Variants in SEC16B observed in about 807,000 individuals in gnomAD.
SEC16B encodes SEC16 homolog B, endoplasmic reticulum export factor.
In SEC16B, 115 loss-of-function variants were observed where a neutral mutation model predicts 141.8. The observed-to-expected ratio is 0.81, with a 90% CI of 0.70 to 0.95. The LOEUF is 0.95. Among genes scored for constraint, SEC16B ranks in the 40% least tolerant of loss-of-function variants. The pLI is 0.00. For synonymous variants in SEC16B, 493 were observed against 492.5 expected, an observed-to-expected ratio of 1.00 and a Z score of -0.01; for missense variants, 1,291 against 1,312.3, an observed-to-expected ratio of 0.98 and a Z score of 0.25.
rs370911935 is a variant in SEC16B at position 177,958,226 on chromosome 1, G to A, written c.1271C>T (p.Pro424Leu). ...EDWPVLSSGT[P>L]NLLTGEIPPS... ...GGGGATCTCTCCCGTGAGCAGGTTC[G>A]GGGTCCCAGAGCTCAGCACTGGCCA... Residue 424 changes from proline to leucine, a missense_variant, in exon 10 of 26, where the codon CCG (proline) becomes CTG (leucine). By Grantham distance (98) the Pro-to-Leu change is moderately conservative (BLOSUM62 -3). This residue lies in a region of SEC16B where 681 missense variants were observed against 675.5 expected (regional missense o/e 1.01). Coordinates refer to ENST00000308284, the MANE Select transcript of SEC16B (RefSeq NM_033127.4). The A allele has an allele frequency of 6.0e-5, 96 of 1,604,068 alleles. No homozygotes were observed. Among genetic ancestry groups the A allele is most frequent in the Middle Eastern group, 3.3e-4 (2 of 6,046 alleles).
intron 20 of SEC16B, among the ~76,000 whole-genome samples, chr1:177,935,870 C>CT (rs1264007955): frequency 6.6e-6 from 1 of 152,150 alleles, no homozygotes; most frequent in Admixed American, 6.5e-5. Flanking sequence ...ACCTTACAGC[C>CT]TAACTGAGGA....
chr1:177,941,356 G>T (rs985812253), intron 16 of SEC16B, among the ~76,000 whole-genome samples: 1 of 152,128 alleles, frequency 6.6e-6, no homozygotes, highest in African/African-American at 2.4e-5. Context: ...AAATTTAAGG[G>T]TAGGCTGCTT....
At chr1:177,969,326 G>T (rs769077773) in intron 1 of SEC16B, among the ~76,000 whole-genome samples, 1 of 152,138 alleles carries the variant, frequency 6.6e-6, no homozygotes, top group African/African-American at 2.4e-5. Context: ...GAAGAACAAG[G>T]TGCGGAGGGG....
chr1:177,958,314 T>C lies in SEC16B; in HGVS notation c.1183A>G (p.Lys395Glu), dbSNP rs1201480535. 1 of 1,609,026 alleles carries C rather than the reference T, an allele frequency of 6.2e-7. No individual in the cohort carries two copies. Among genetic ancestry groups the C allele is most frequent in the African/African-American group, 1.3e-5 (1 of 74,786 alleles). Residue 395 changes from lysine (K) to glutamate (E), a missense_variant, in exon 10 of 26, where the codon AAG becomes GAG. This residue lies in a region of SEC16B where 681 missense variants were observed against 675.5 expected (regional missense o/e 1.01). Coordinates refer to ENST00000308284, the MANE Select transcript of SEC16B (RefSeq NM_033127.4). Reference sequence around the variant, plus strand: ...GGCTGCCGCTTGTACTTCTCCAGCTTCTTGCAGTCTTGCATTAGCAGCTCA... The same window carrying C: ...GGCTGCCGCTTGTACTTCTCCAGCTCCTTGCAGTCTTGCATTAGCAGCTCA... ...IAELLMQDCKKLEKYKRQPPV... is the reference protein window; with the variant it reads ...IAELLMQDCKELEKYKRQPPV...
chr1:177,961,602 G>A lies in SEC16B; in HGVS notation c.775C>T (p.Pro259Ser). The A allele has an allele frequency of 6.2e-7, 1 of 1,612,722 alleles. No homozygotes were observed. Among genetic ancestry groups the A allele is most frequent in the Non-Finnish European group, 8.5e-7 (1 of 1,179,570 alleles). ...TTTTAGAACCCACCAGCCTGAACTGGACTCCAAGCTGCTGAAGCTGGGGGA... is the reference window on the plus strand; with the variant it reads ...TTTTAGAACCCACCAGCCTGAACTGAACTCCAAGCTGCTGAAGCTGGGGGA... ...DDPPASAAWS[P>S]VQADVSSAGP... is the part of the protein sequence containing the mutation. Residue 259 changes from proline (P) to serine (S), a missense_variant, in exon 6 of 26, where the codon CCA becomes TCA. Pro to Ser is a moderately conservative substitution (Grantham distance 74, BLOSUM62 -1). Transcript: ENST00000308284.
intron 12 of SEC16B, among the ~76,000 whole-genome samples, chr1:177,950,059 C>T (rs1652049057): frequency 1.3e-5 from 2 of 151,686 alleles, no homozygotes; most frequent in South Asian, 2.1e-4. Context: ...TTGTGAGGCA[C>T]ACTCTGTGCT....
At chr1:177,933,871 G>C (rs1323776793) in intron 20 of SEC16B, among the ~76,000 whole-genome samples, 1 of 152,026 alleles carries the variant, frequency 6.6e-6, no homozygotes, top group Non-Finnish European at 1.5e-5. Context: ...TGTCTGGTGT[G>C]CCACCTCTCC....
At chr1:177,979,017 A>C (rs1391609810) in intron 1 of SEC16B, among the ~76,000 whole-genome samples, 1 of 152,180 alleles carries the variant, frequency 6.6e-6, no homozygotes, top group Non-Finnish European at 1.5e-5. Flanking sequence ...AGAGGCAATA[A>C]AAGTGATACT....
chr1:177,960,890 A>G lies in SEC16B; in HGVS notation c.837T>C (p.His279=). Residue 279 remains histidine, a synonymous_variant, in exon 7 of 26, where the codon CAT becomes CAC. Transcript: ENST00000308284. ...PKAPMKFYIP[H]VPVSFGPGGQ... ...CTCCTGGCCCGAAACTCACAGGAACATGAGGGATGTAGAACTTCATGGGTG... is the reference window on the plus strand; with the variant it reads ...CTCCTGGCCCGAAACTCACAGGAACGTGAGGGATGTAGAACTTCATGGGTG... 1 of 1,613,990 alleles carries G rather than the reference A, an allele frequency of 6.2e-7. No individual in the cohort carries two copies. The highest frequency in any genetic ancestry group is 8.5e-7 in the Non-Finnish European group (1 of 1,179,862).
At chr1:177,961,374 G>T in intron 6 of SEC16B, 1 of 488,462 alleles carries the variant, frequency 2.0e-6, no homozygotes. Flanking sequence ...ATAATGGATA[G>T]GGGCAGTGTT....
At chr1:177,945,396 T>C (rs760843987) in intron 14 of SEC16B, 5 of 152,080 alleles carry the variant, frequency 3.3e-5, no homozygotes, top group Non-Finnish European at 5.9e-5. Flanking sequence ...AACGTAAACA[T>C]AGGAGGGGAG....
upstream of SEC16B, among the ~76,000 whole-genome samples, chr1:177,970,856 A>G (rs1653913414): frequency 6.6e-6 from 1 of 152,156 alleles, no homozygotes; most frequent in African/African-American, 2.4e-5. Context: ...CTCTCAACAA[A>G]TGCTTACTGT....
rs1259998252 is a variant in SEC16B at position 177,968,021 on chromosome 1, G to A, written c.-40C>T. On this transcript the variant is annotated 5_prime_UTR_variant, in exon 2 of 26. Coordinates refer to ENST00000308284, the MANE Select transcript of SEC16B (RefSeq NM_033127.4). ...ATTTGTCCTGGGTTTTGAGTAAGTT[G>A]TGCAGTTATTTTATCTTCCTGCAGA... 6.5e-7 allele frequency: 1 copy of A among 1,537,468 alleles called. No homozygotes were observed. The highest frequency in any genetic ancestry group is 8.8e-7 in the Non-Finnish European group (1 of 1,138,398).
chr1:177,964,029 G>C, intron 5 of SEC16B, 142 bp downstream of exon 5: 1 of 594,126 alleles, frequency 1.7e-6, no homozygotes, highest in South Asian at 2.2e-5. Context: ...ATGGGCGGAG[G>C]TTCTGCCAAG....
chr1:177,957,230 A>C (rs1652680372), intron 10 of SEC16B, among the ~76,000 whole-genome samples: 1 of 152,170 alleles, frequency 6.6e-6, no homozygotes, highest in African/African-American at 2.4e-5. Flanking sequence ...AAATGGTATA[A>C]TTTATAGTGG....
intron 24 of SEC16B, 83 bp from the exon 25 acceptor site, chr1:177,930,726 G>T: frequency 2.1e-6 from 2 of 933,246 alleles, no homozygotes; most frequent in South Asian, 3.3e-5. Flanking sequence ...AGCATATCAG[G>T]ATTATTTGTT....
At chr1:177,933,995 C>T (rs1266503326) in intron 20 of SEC16B, among the ~76,000 whole-genome samples, 1 of 144,602 alleles carries the variant, frequency 6.9e-6, no homozygotes, top group African/African-American at 2.6e-5. Context: ...AAGCTCCCCC[C>T]AAAAAAAAAA....
intron 1 of SEC16B, among the ~76,000 whole-genome samples, chr1:177,977,029 C>G (rs910209486): frequency 1.3e-5 from 2 of 152,164 alleles, no homozygotes; most frequent in Non-Finnish European, 2.9e-5. Context: ...CATCAATTTT[C>G]TTTTCTAAAC....
At chr1:177,953,528 C>T (rs558459021) in intron 11 of SEC16B, among the ~76,000 whole-genome samples, 3 of 152,298 alleles carry the variant, frequency 2.0e-5, no homozygotes, top group African/African-American at 7.2e-5. Flanking sequence ...CTAGGCGGAG[C>T]CTGAAGGACT....
Sources: gnomAD v4.1 joint callset for allele counts (sites outside exome capture counted in the v4.1 genomes callset) on GRCh38, gnomAD v4.1.1 for gene constraint, gnomAD v4.1.1 regional missense constraint, MANE v1.5 for transcripts, NCBI Gene and HGNC (gene_info 2026-07-23, HGNC 2026-07-21) for gene names.